IP6K1: variants seen among roughly 807,000 people sequenced by gnomAD.
IP6K1 encodes the protein inositol hexakisphosphate kinase 1, also known as ATP:1D-myo-inositol-hexakisphosphate phosphotransferase.
A neutral mutation model predicts 38.3 loss-of-function variants in IP6K1; 13 were observed. The observed-to-expected ratio is 0.34, with a 90% confidence interval of 0.22 to 0.54. The LOEUF (loss-of-function observed/expected upper bound fraction) is 0.54, where lower values mean the gene tolerates loss of function less well. IP6K1 is among the 20% of genes least tolerant of loss of function. IP6K1 has a pLI of 0.92. For missense variants in IP6K1, 397 were observed against 599.8 expected (o/e 0.66, Z 3.53); for synonymous variants, 212 against 229.9 (o/e 0.92, Z 0.70).
intron 1 of IP6K1, among the ~76,000 whole-genome samples, chr3:49,782,419 T>C (rs987083264): frequency 5.3e-5 from 8 of 152,014 alleles, no homozygotes; most frequent in African/African-American, 1.2e-4. Context: ...CCCGCCCACC[T>C]TGGCCTCCCA....
At chr3:49,784,944 A>T (rs2081098532) in intron 1 of IP6K1, among the ~76,000 whole-genome samples, 1 of 152,040 alleles carries the variant, frequency 6.6e-6, no homozygotes, top group Admixed American at 6.6e-5. Flanking sequence ...ACTCCATCTC[A>T]AAAAAACAAA....
intron 1 of IP6K1, among the ~76,000 whole-genome samples, chr3:49,781,038 T>C (rs1212688175): frequency 6.6e-6 from 1 of 151,790 alleles, no homozygotes; most frequent in African/African-American, 2.4e-5. Flanking sequence ...AAAGGATTAT[T>C]AGGCCCTACC....
chr3:49,777,796 T>C (rs891996315), intron 1 of IP6K1, among the ~76,000 whole-genome samples: 2 of 150,878 alleles, frequency 1.3e-5, no homozygotes. Context: ...GCGCCTGTAG[T>C]CCCAGCTACT....
chr3:49,777,832 G>A (rs940705466), intron 1 of IP6K1, among the ~76,000 whole-genome samples: 2 of 150,176 alleles, frequency 1.3e-5, no homozygotes, highest in African/African-American at 2.5e-5. Flanking sequence ...GGAGAATGGC[G>A]TGAACCCGGG....
At chr3:49,745,809 G>C (rs1265846696) in intron 2 of IP6K1, among the ~76,000 whole-genome samples, 1 of 149,746 alleles carries the variant, frequency 6.7e-6, no homozygotes, top group African/African-American at 2.5e-5. Flanking sequence ...AGCCGAGATC[G>C]TGCCACTGCA....
chr3:49,747,804 G>C lies in IP6K1; in HGVS notation c.223+14C>G. On this transcript the variant is annotated intron_variant, in intron 2 of 5. Transcript: ENST00000321599. The stretch of plus-strand genomic sequence containing the variant: ...CCAAGGCTGCTGCTTTCATTAAACT[G>C]GCCAGTGACTGACCTTTGTATTCAG... 3 of 1,614,032 alleles carry C rather than the reference G, an allele frequency of 1.9e-6. No individual in the cohort carries two copies. The highest frequency in any genetic ancestry group is 2.5e-6 in the Non-Finnish European group (3 of 1,179,940).
chr3:49,768,937 C>A (rs555173404), intron 1 of IP6K1, among the ~76,000 whole-genome samples: 4 of 152,012 alleles, frequency 2.6e-5, no homozygotes, highest in Non-Finnish European at 5.9e-5. Flanking sequence ...GTATTTAATG[C>A]CACTGCATCA....
intron 1 of IP6K1, among the ~76,000 whole-genome samples, chr3:49,764,226 AAAAAAAAT>A (rs934874097): frequency 1.9e-4 from 29 of 151,898 alleles, no homozygotes; most frequent in African/African-American, 6.3e-4. Context: ...TACAAAAGAA[AAAAAAAAT>A]AGCCAGACAT....
intron 2 of IP6K1, among the ~76,000 whole-genome samples, chr3:49,741,496 GAAACTGGGT>G (rs67593442): frequency 0.039 from 5,883 of 152,192 alleles, 363 homozygotes; most frequent in African/African-American, 0.13. Flanking sequence ...GTGCAGTTTT[GAAACTGGGT>G]GATTTTTATT....
Position 49,738,195 on chromosome 3 carries a change from A to C in IP6K1, c.434+17T>G. 1 of 1,605,814 alleles carries C rather than the reference A, an allele frequency of 6.2e-7. No homozygotes were observed. The highest frequency in any genetic ancestry group is 8.5e-7 in the Non-Finnish European group (1 of 1,172,580). Reference sequence around the variant, plus strand: ...CTTGAGTGCTTGTACCAGCAGGACGAAACATGTACCTCTTACCTCTCAGAG... The same window carrying C: ...CTTGAGTGCTTGTACCAGCAGGACGCAACATGTACCTCTTACCTCTCAGAG... On this transcript the variant is annotated intron_variant, in intron 3 of 5. Transcript: ENST00000321599.
chr3:49,742,585 A>G (rs1405563310), intron 2 of IP6K1, among the ~76,000 whole-genome samples: 1 of 151,900 alleles, frequency 6.6e-6, no homozygotes, highest in East Asian at 1.9e-4. Context: ...AGCATAGTGG[A>G]AGATATTATT....
intron 3 of IP6K1, among the ~76,000 whole-genome samples, chr3:49,735,459 C>T (rs545454998): frequency 3.3e-5 from 5 of 152,308 alleles, no homozygotes; most frequent in African/African-American, 4.8e-5. Context: ...GTCACCTGAA[C>T]GACCAAGTTA....
chr3:49,771,201 A>C lies in IP6K1; in HGVS notation c.-129+15153T>G, dbSNP rs1195729444. On this transcript the variant is annotated intron_variant, in intron 1 of 5. Coordinates refer to ENST00000321599, the MANE Select transcript of IP6K1 (RefSeq NM_153273.4). Reference sequence around the variant, plus strand: ...AAAACTCAGTAACAAAAAAAAAAAAAAAAAAAAAAAACCCTGCCAGGCACA... The same window carrying C: ...AAAACTCAGTAACAAAAAAAAAAAACAAAAAAAAAAACCCTGCCAGGCACA... Among the ~76,000 whole-genome samples, 6 of 150,116 alleles carry C rather than the reference A, an allele frequency of 4.0e-5. No homozygotes were observed. In the South Asian group the frequency reaches 8.3e-4, roughly 21 times the overall value.
intron 1 of IP6K1, among the ~76,000 whole-genome samples, chr3:49,750,882 C>T (rs867260085): frequency 2.6e-5 from 4 of 152,080 alleles, no homozygotes; most frequent in Admixed American, 1.3e-4. Context: ...AAATAGTCTC[C>T]TAAGAGTAAA....
chr3:49,748,301 G>A (rs926373445), intron 1 of IP6K1, 133 bp from the exon 2 acceptor site: 17 of 486,314 alleles, frequency 3.5e-5, no homozygotes, highest in Non-Finnish European at 5.6e-5. Flanking sequence ...ACAATACTAC[G>A]TGGCACATGA....
intron 1 of IP6K1, among the ~76,000 whole-genome samples, chr3:49,764,644 C>T (rs2080894065): frequency 6.6e-6 from 1 of 151,768 alleles, no homozygotes; most frequent in South Asian, 2.1e-4. Context: ...TTTGGGAGGC[C>T]AAGGCAAGCA....
intron 3 of IP6K1, among the ~76,000 whole-genome samples, chr3:49,734,534 G>A (rs1468708619): frequency 6.7e-6 from 1 of 150,116 alleles, no homozygotes; most frequent in African/African-American, 2.4e-5. Context: ...CTAACACCAG[G>A]GCTGGTGTGT....
chr3:49,779,041 T>A (rs1269564722), intron 1 of IP6K1, among the ~76,000 whole-genome samples: 5 of 152,174 alleles, frequency 3.3e-5, no homozygotes, highest in Admixed American at 2.0e-4. Context: ...TATAAAATAT[T>A]CAGAAATAGG....
chr3:49,737,269 T>C (rs1182154543), intron 3 of IP6K1, among the ~76,000 whole-genome samples: 1 of 152,126 alleles, frequency 6.6e-6, no homozygotes, highest in Non-Finnish European at 1.5e-5. Context: ...CCACTTTACC[T>C]TCCTACCAGC....
Sources: gnomAD v4.1 joint callset for allele counts (sites outside exome capture counted in the v4.1 genomes callset) on GRCh38, gnomAD v4.1.1 for gene constraint, MANE v1.5 for transcripts, NCBI Gene and HGNC (gene_info 2026-07-23, HGNC 2026-07-21) for gene names.